The following CFAP299 variants were observed in gnomAD, a reference collection of about 807,000 sequenced individuals.
CFAP299 encodes the protein cilia and flagella associated protein 299, also known as cilia- and flagella-associated protein 299.
In CFAP299, 21 loss-of-function variants were observed where a neutral mutation model predicts 27.0. The observed-to-expected ratio is 0.78, with a 90% CI of 0.55 to 1.12. CFAP299 has a LOEUF of 1.12. Ranked by LOEUF, CFAP299 falls within the 50% of genes most tolerant of loss-of-function variation. The probability of loss-of-function intolerance (pLI) is 0.00; values close to 1 mark genes in which losing one functional copy is unlikely to be tolerated. For synonymous variants in CFAP299, 104 were observed against 98.1 expected, an observed-to-expected ratio of 1.06 and a Z score of -0.36; for missense variants, 310 against 276.6, an observed-to-expected ratio of 1.12 and a Z score of -0.86.
At chr4:80,342,118 A>G (rs1722488467) in intron 1 of CFAP299, among the ~76,000 whole-genome samples, 1 of 151,812 alleles carries the variant, frequency 6.6e-6, no homozygotes, top group Admixed American at 6.6e-5. Flanking sequence ...AAGAACAGAG[A>G]AAAAAGAACG....
At chr4:80,937,317 T>C (rs1736958105) in intron 4 of CFAP299, among the ~76,000 whole-genome samples, 1 of 111,468 alleles carries the variant, frequency 9.0e-6, no homozygotes, top group Non-Finnish European at 1.7e-5. Flanking sequence ...TCTTTCTTTT[T>C]TTTTTTTTTT....
At chr4:80,375,982 T>G (rs373645605) in intron 2 of CFAP299, among the ~76,000 whole-genome samples, 4 of 152,366 alleles carry the variant, frequency 2.6e-5, no homozygotes, top group South Asian at 2.1e-4. Context: ...TTTTAAAGTG[T>G]GTAATTCAAT....
rs542478537 is a variant in CFAP299, at chr4:80,548,786, T to A, written c.243-34307T>A. 4.6e-5 allele frequency among the ~76,000 whole-genome samples: 7 copies of A among 152,276 alleles called. 1 individual carries two copies. Among genetic ancestry groups the A allele is most frequent in the African/African-American group, 1.7e-4 (7 of 41,580 alleles). ...CTTCTATAATAAAATTTAGTTTTTA[T>A]ATGCTGTATTGTCAGGTTCTATAAT... On this transcript the variant is annotated intron_variant, in intron 2 of 5. Coordinates refer to ENST00000358105, the MANE Select transcript of CFAP299 (RefSeq NM_152770.3).
At chr4:80,534,308 A>C (rs1293129941) in intron 2 of CFAP299, among the ~76,000 whole-genome samples, 311 of 145,972 alleles carry the variant, frequency 2.1e-3, no homozygotes, top group Non-Finnish European at 3.3e-3. Context: ...AACAGAACTC[A>C]CTCTGTGGAA....
chr4:80,493,556 G>A (rs1189330952), intron 2 of CFAP299, among the ~76,000 whole-genome samples: 2 of 152,092 alleles, frequency 1.3e-5, no homozygotes, highest in Non-Finnish European at 2.9e-5. Context: ...AGTCAGGGTG[G>A]AGTAGGTAAT....
chr4:80,390,834 T>C (rs192524244), intron 2 of CFAP299, among the ~76,000 whole-genome samples: 2 of 146,072 alleles, frequency 1.4e-5, no homozygotes, highest in East Asian at 4.0e-4. Context: ...TATATGTATA[T>C]ATGTATATAC....
At chr4:80,634,814 A>C (rs980724415) in intron 3 of CFAP299, among the ~76,000 whole-genome samples, 127 of 152,182 alleles carry the variant, frequency 8.3e-4, no homozygotes, top group African/African-American at 3.0e-3. Flanking sequence ...ATGAACATCT[A>C]GTATCATTAA....
chr4:80,702,227 A>T (rs1361634422), intron 3 of CFAP299, among the ~76,000 whole-genome samples: 1 of 151,882 alleles, frequency 6.6e-6, no homozygotes, highest in East Asian at 1.9e-4. Context: ...CACAATAGAG[A>T]GGACATAGTT....
intron 3 of CFAP299, among the ~76,000 whole-genome samples, chr4:80,714,204 A>G (rs1722343708): frequency 1.3e-5 from 2 of 152,092 alleles, no homozygotes; most frequent in African/African-American, 4.8e-5. Context: ...GGATATTTTT[A>G]TATGAAGTGT....
chr4:80,408,201 T>C (rs1490391318), intron 2 of CFAP299, among the ~76,000 whole-genome samples: 3 of 152,246 alleles, frequency 2.0e-5, no homozygotes, highest in Admixed American at 6.5e-5. Context: ...TATTTAACCT[T>C]ACTTCCAAAG....
chr4:80,561,346 C>T (rs1445967935), intron 2 of CFAP299, among the ~76,000 whole-genome samples: 1 of 152,092 alleles, frequency 6.6e-6, no homozygotes, highest in Non-Finnish European at 1.5e-5. Flanking sequence ...AGAATGATAG[C>T]TACAAATCAG....
chr4:80,912,530 T>C (rs1177918804), intron 4 of CFAP299, among the ~76,000 whole-genome samples: 1 of 152,182 alleles, frequency 6.6e-6, no homozygotes, highest in South Asian at 2.1e-4. Flanking sequence ...ACTGTCTCCC[T>C]CATTGTGTGA....
intron 3 of CFAP299, among the ~76,000 whole-genome samples, chr4:80,596,521 T>G (rs1375711374): frequency 1.3e-5 from 2 of 152,284 alleles, no homozygotes; most frequent in South Asian, 4.1e-4. Context: ...TAATCACTCT[T>G]TATTTAAGCT....
intron 5 of CFAP299, 64 bp downstream of exon 5, chr4:80,945,003 C>CA (rs943425760): frequency 4.1e-6 from 6 of 1,460,144 alleles, no homozygotes; most frequent in Middle Eastern, 1.7e-4. Flanking sequence ...TGCCACTATT[C>CA]AAAAAATCTG....
chr4:80,371,244 G>T (rs1277838113), intron 2 of CFAP299, among the ~76,000 whole-genome samples: 1 of 152,208 alleles, frequency 6.6e-6, no homozygotes, highest in African/African-American at 2.4e-5. Context: ...AGGATAGCGG[G>T]GCACTGGGCT....
intron 3 of CFAP299, among the ~76,000 whole-genome samples, chr4:80,789,230 G>T (rs186098872): frequency 2.5e-4 from 38 of 151,836 alleles, no homozygotes; most frequent in Admixed American, 1.8e-3. Flanking sequence ...TGCCTGGTGT[G>T]TAAGATGTTA....
chr4:80,734,270 G>A (rs541469549), intron 3 of CFAP299, among the ~76,000 whole-genome samples: 1 of 152,166 alleles, frequency 6.6e-6, no homozygotes, highest in South Asian at 2.1e-4. Context: ...GACTTCTTTT[G>A]AGAAATGTCT....
intron 3 of CFAP299, among the ~76,000 whole-genome samples, chr4:80,638,850 A>T (rs1010235327): frequency 3.9e-5 from 6 of 152,182 alleles, no homozygotes; most frequent in African/African-American, 1.4e-4. Context: ...AATACCATGG[A>T]TGGGCAGCTT....
At position 80,447,130 on chromosome 4, in the gene CFAP299, G is replaced by GTTTTTTTTTTTTT. The variant is rs1553923883; in HGVS notation, c.242+84257_242+84269dup. On this transcript the variant is annotated intron_variant, in intron 2 of 5. Transcript: ENST00000358105. ...TTTGCTTTTTATTTGTTTTTTTTTT[G>GTTTTTTTTTTTTT]TTTTTTTTTTTTTTTTTTTTTTTGA... Among the ~76,000 whole-genome samples, 24 of 105,302 alleles carry GTTTTTTTTTTTTT rather than the reference G, an allele frequency of 2.3e-4. 1 individual carries two copies. Among genetic ancestry groups the GTTTTTTTTTTTTT allele is most frequent in the African/African-American group, 7.9e-4 (18 of 22,712 alleles). 69.1% of individuals were successfully genotyped at this position (105,302 alleles called of 152,430 possible).
Sources: gnomAD v4.1 joint callset for allele counts (sites outside exome capture counted in the v4.1 genomes callset) on GRCh38, gnomAD v4.1.1 for gene constraint, MANE v1.5 for transcripts, NCBI Gene and HGNC (gene_info 2026-07-23, HGNC 2026-07-21) for gene names.